ACSL5: variants seen among roughly 807,000 people sequenced by gnomAD.
ACSL5 encodes acyl-CoA synthetase long chain family member 5.
In ACSL5, 50 loss-of-function variants were observed where a neutral mutation model predicts 84.9. The ratio of observed to expected loss-of-function variants is 0.59; its 90% CI spans 0.47 to 0.75. The LOEUF is 0.75. Ranked by LOEUF, ACSL5 falls within the 30% of genes least tolerant of loss-of-function variation. The pLI, the probability that ACSL5 is intolerant of heterozygous loss-of-function variation, is 0.00. For synonymous variants in ACSL5, 280 were observed against 300.7 expected, an observed-to-expected ratio of 0.93 and a Z score of 0.71; for missense variants, 775 against 830.4, an observed-to-expected ratio of 0.93 and a Z score of 0.82.
rs1045499826 is a variant in ACSL5, at chr10:112,388,023, C to A, written c.-29-6895C>A. On this transcript the variant is annotated intron_variant, in intron 1 of 20. Coordinates refer to ENST00000354655, the MANE Select transcript of ACSL5 (RefSeq NM_203379.2). Reference sequence around the variant, plus strand: ...GTGTGATCTCAGCTCACTGCAACTTCCGCCTCCCAGGTTCAAGGAATTCTT... The same window carrying A: ...GTGTGATCTCAGCTCACTGCAACTTACGCCTCCCAGGTTCAAGGAATTCTT... Among the ~76,000 whole-genome samples the A allele has an allele frequency of 2.1e-5, 3 of 142,704 alleles. No individual in the cohort carries two copies. The Admixed American group carries it at 2.3e-4, about 11-fold the overall frequency. The allele number at this position is 142,704 out of a possible 152,430, so 93.6% of individuals were successfully genotyped here.
At chr10:112,410,915 C>G (rs1476411882) in intron 9 of ACSL5, among the ~76,000 whole-genome samples, 1 of 152,124 alleles carries the variant, frequency 6.6e-6, no homozygotes, top group African/African-American at 2.4e-5. Flanking sequence ...ACCCACCACT[C>G]TCTTGATTTG....
intron 1 of ACSL5, among the ~76,000 whole-genome samples, chr10:112,381,108 A>G (rs1849340228): frequency 6.6e-6 from 1 of 152,188 alleles, no homozygotes; most frequent in South Asian, 2.1e-4. Flanking sequence ...ACAATTGGCA[A>G]TAAAGCCAGG....
At chr10:112,427,195 A>G in intron 20 of ACSL5, 23 bp from the exon 21 acceptor site, 6 of 1,603,188 alleles carry the variant, frequency 3.7e-6, no homozygotes, top group Middle Eastern at 1.7e-4. Context: ...ATGAGCATGG[A>G]TGTGTGTGTG....
chr10:112,427,130 C>T, intron 20 of ACSL5, 88 bp from the exon 21 acceptor site: 3 of 1,376,154 alleles, frequency 2.2e-6, no homozygotes, highest in Non-Finnish European at 3.0e-6. Flanking sequence ...ACTGCATCAA[C>T]CTCACTTTCT....
intron 1 of ACSL5, among the ~76,000 whole-genome samples, chr10:112,382,494 G>A (rs867005854): frequency 1.3e-5 from 2 of 152,180 alleles, no homozygotes; most frequent in South Asian, 2.1e-4. Context: ...CACAGCACTG[G>A]GAGGCCTATT....
chr10:112,382,804 G>A (rs1383367894), intron 1 of ACSL5, among the ~76,000 whole-genome samples: 2 of 152,202 alleles, frequency 1.3e-5, no homozygotes, highest in African/African-American at 4.8e-5. Flanking sequence ...TTGGAAGAGA[G>A]ATATGAGAGG....
intron 1 of ACSL5, among the ~76,000 whole-genome samples, chr10:112,391,957 C>T (rs760765566): frequency 1.1e-4 from 16 of 152,278 alleles, no homozygotes; most frequent in South Asian, 2.1e-4. Flanking sequence ...CCTGACCCCA[C>T]CCCCATATCA....
chr10:112,419,048 G>C (rs1211213878), intron 14 of ACSL5, among the ~76,000 whole-genome samples: 1 of 151,802 alleles, frequency 6.6e-6, no homozygotes, highest in Non-Finnish European at 1.5e-5. Flanking sequence ...TAATAATCTA[G>C]AATAAATCCA....
At chr10:112,422,184 T>C (rs961509491) in intron 16 of ACSL5, 141 bp from the exon 17 acceptor site, 5 of 1,079,278 alleles carry the variant, frequency 4.6e-6, no homozygotes, top group Non-Finnish European at 1.4e-6. Flanking sequence ...CTATCCCCTA[T>C]AGTGGAGACT....
At chr10:112,418,386 C>G (rs1191897804) in intron 14 of ACSL5, among the ~76,000 whole-genome samples, 2 of 152,042 alleles carry the variant, frequency 1.3e-5, no homozygotes, top group African/African-American at 4.8e-5. Context: ...TAGAGACCAT[C>G]CTGGCTAACA....
intron 12 of ACSL5, 37 bp downstream of exon 12, chr10:112,413,344 G>A: frequency 6.2e-7 from 1 of 1,611,858 alleles, no homozygotes; most frequent in Non-Finnish European, 8.5e-7. Flanking sequence ...TCTGTGACTT[G>A]GGCCTGCACG....
At chr10:112,406,625 T>G (rs541465913) in intron 5 of ACSL5, 1 of 152,338 alleles carries the variant, frequency 6.6e-6, no homozygotes, top group South Asian at 2.1e-4. Flanking sequence ...AATGATGTTA[T>G]GCTGTCTGTA....
chr10:112,375,506 G>C (rs2133549862), intron 1 of ACSL5: 1 of 152,336 alleles, frequency 6.6e-6, no homozygotes, highest in African/African-American at 2.4e-5. Flanking sequence ...GCCTTCGTGG[G>C]GGATCGAGGC....
chr10:112,408,338 C>A, intron 5 of ACSL5, 84 bp from the exon 6 acceptor site: 16 of 809,284 alleles, frequency 2.0e-5, no homozygotes, highest in Non-Finnish European at 2.6e-5. Context: ...AGACAAAAAA[C>A]CAGACAGCAT....
intron 14 of ACSL5, among the ~76,000 whole-genome samples, chr10:112,421,201 C>T (rs1183885367): frequency 6.6e-6 from 1 of 152,188 alleles, no homozygotes; most frequent in African/African-American, 2.4e-5. Flanking sequence ...CTCTGTCACC[C>T]AGGCTGGAGT....
chr10:112,394,681 T>A (rs769254646), intron 1 of ACSL5: 2 of 926,912 alleles, frequency 2.2e-6, no homozygotes, highest in Non-Finnish European at 2.6e-6. Flanking sequence ...CCCTGCTCTG[T>A]GTGAGGACAG....
chr10:112,417,806 G>A, intron 13 of ACSL5, 40 bp from the exon 14 acceptor site: 1 of 1,566,002 alleles, frequency 6.4e-7, no homozygotes, highest in South Asian at 1.1e-5. Flanking sequence ...TTGAAGCCAA[G>A]AGAATAGGTT....
chr10:112,421,156 T>G (rs937477835), intron 14 of ACSL5, among the ~76,000 whole-genome samples: 1 of 151,790 alleles, frequency 6.6e-6, no homozygotes, highest in Non-Finnish European at 1.5e-5. Flanking sequence ...GTTTGTTCGT[T>G]TGTTTGTTTG....
At chr10:112,416,854 A>G (rs1445606701) in intron 12 of ACSL5, 34 bp from the exon 13 acceptor site, 1 of 1,610,038 alleles carries the variant, frequency 6.2e-7, no homozygotes, top group Admixed American at 1.7e-5. Context: ...TATCTCCAAT[A>G]GGTTTCCAAC....
Sources: allele counts gnomAD v4.1 joint callset (sites outside exome capture counted in the v4.1 genomes callset), GRCh38; gene constraint gnomAD v4.1.1; transcripts MANE v1.5; gene names NCBI Gene and HGNC (gene_info 2026-07-23, HGNC 2026-07-21).